NKAIN3: variants seen among roughly 807,000 people sequenced by gnomAD.
NKAIN3 encodes the protein sodium/potassium transporting ATPase interacting 3.
Under a neutral mutation model 30.2 loss-of-function variants are expected in NKAIN3, and 25 were observed. The observed-to-expected ratio is 0.83, with a 90% CI of 0.60 to 1.16. The LOEUF (loss-of-function observed/expected upper bound fraction) is 1.16. Ranked by LOEUF, NKAIN3 falls within the 50% of genes most tolerant of loss-of-function variation. NKAIN3 has a pLI of 0.00. For missense variants in NKAIN3, 225 were observed against 254.1 expected (o/e 0.89, Z 0.78); for synonymous variants, 91 against 89.6 (o/e 1.02, Z -0.09).
In NKAIN3 at chr8:62,530,901, T is replaced by A. The variant is rs183425084; in HGVS notation, c.55-48638T>A. On this transcript the variant is annotated intron_variant, in intron 1 of 6. Coordinates refer to ENST00000623646, the MANE Select transcript of NKAIN3 (RefSeq NM_001304533.3). ...CTCAGGTCATCTGCCCACCTCGGCC[T>A]CCCAACGTGCTGGAATTATGGGCGT... Among the ~76,000 whole-genome samples the A allele has an allele frequency of 4.6e-5, 7 of 152,252 alleles. No homozygotes were observed. In the East Asian group the frequency reaches 1.2e-3, roughly 25 times the overall value.
chr8:62,762,421 G>A (rs1307031959), intron 4 of NKAIN3, among the ~76,000 whole-genome samples: 4 of 152,142 alleles, frequency 2.6e-5, no homozygotes, highest in African/African-American at 9.7e-5. Flanking sequence ...AAATTCATAT[G>A]GGTAGAACTT....
chr8:62,666,869 G>A (rs180814567), intron 3 of NKAIN3, among the ~76,000 whole-genome samples: 1 of 152,094 alleles, frequency 6.6e-6, no homozygotes, highest in Non-Finnish European at 1.5e-5. Context: ...TGCTAGATTT[G>A]ATTGAATGTC....
At chr8:62,492,159 G>A (rs1486109098) in intron 1 of NKAIN3, among the ~76,000 whole-genome samples, 3 of 152,086 alleles carry the variant, frequency 2.0e-5, no homozygotes, top group African/African-American at 7.2e-5. Flanking sequence ...AGTTAAGAAG[G>A]AAAGAATGAA....
At chr8:62,446,686 G>A (rs138087802) in intron 1 of NKAIN3, among the ~76,000 whole-genome samples, 26 of 152,126 alleles carry the variant, frequency 1.7e-4, no homozygotes, top group African/African-American at 4.8e-4. Context: ...ATTTGACTAC[G>A]TCAGGTACCT....
At chr8:62,309,612 C>T (rs1814362098) in intron 1 of NKAIN3, among the ~76,000 whole-genome samples, 1 of 150,140 alleles carries the variant, frequency 6.7e-6, no homozygotes. Flanking sequence ...AAATCCTTGG[C>T]TTTGTTACCT....
At chr8:62,807,102 T>G (rs904564107) in intron 4 of NKAIN3, among the ~76,000 whole-genome samples, 2 of 152,226 alleles carry the variant, frequency 1.3e-5, no homozygotes, top group African/African-American at 4.8e-5. Context: ...TAGATTTTCT[T>G]TTTGTTAATT....
chr8:62,949,057 G>C (rs1303602394), intron 5 of NKAIN3, among the ~76,000 whole-genome samples: 1 of 152,224 alleles, frequency 6.6e-6, no homozygotes, highest in Non-Finnish European at 1.5e-5. Context: ...TCTCAGAGCT[G>C]AGGGTGACTC....
chr8:62,260,298 C>G (rs887844832), intron 1 of NKAIN3, among the ~76,000 whole-genome samples: 13 of 151,916 alleles, frequency 8.6e-5, no homozygotes, highest in Non-Finnish European at 1.6e-4. Flanking sequence ...CAGGAATGCT[C>G]TACACTCAAG....
chr8:62,345,566 T>C (rs868768503), intron 1 of NKAIN3, among the ~76,000 whole-genome samples: 8 of 145,644 alleles, frequency 5.5e-5, no homozygotes, highest in South Asian at 4.2e-4. Context: ...TATATACACA[T>C]ATATACACAT....
chr8:62,404,070 T>A (rs1252543621), intron 1 of NKAIN3, among the ~76,000 whole-genome samples: 1 of 152,214 alleles, frequency 6.6e-6, no homozygotes, highest in African/African-American at 2.4e-5. Context: ...GACTGTACTG[T>A]TTTGGACTCA....
At chr8:62,413,176 C>T (rs533287050) in intron 1 of NKAIN3, among the ~76,000 whole-genome samples, 1 of 152,198 alleles carries the variant, frequency 6.6e-6, no homozygotes, top group South Asian at 2.1e-4. Context: ...TAAAAGGGAG[C>T]ACTTATACAC....
At chr8:62,938,883 T>A (rs914016738) in intron 5 of NKAIN3, among the ~76,000 whole-genome samples, 1 of 152,168 alleles carries the variant, frequency 6.6e-6, no homozygotes, top group Non-Finnish European at 1.5e-5. Flanking sequence ...TCACCAGCAA[T>A]GGACCGAAAC....
chr8:62,279,100 G>A (rs925154396), intron 1 of NKAIN3, among the ~76,000 whole-genome samples: 1 of 152,208 alleles, frequency 6.6e-6, no homozygotes, highest in African/African-American at 2.4e-5. Context: ...TCTCATAGTG[G>A]TTTTGATTTG....
chr8:62,422,484 T>A (rs192908667), intron 1 of NKAIN3, among the ~76,000 whole-genome samples: 18 of 152,276 alleles, frequency 1.2e-4, no homozygotes, highest in African/African-American at 4.3e-4. Flanking sequence ...GATTAACATA[T>A]CAGTGAAGTC....
At chr8:62,277,147 A>T (rs1812989251) in intron 1 of NKAIN3, among the ~76,000 whole-genome samples, 1 of 152,208 alleles carries the variant, frequency 6.6e-6, no homozygotes, top group African/African-American at 2.4e-5. Flanking sequence ...TACTATTGAA[A>T]TTAATAAAAA....
chr8:62,504,904 A>T (rs79478312), intron 1 of NKAIN3, among the ~76,000 whole-genome samples: 5,563 of 152,208 alleles, frequency 0.037, 381 homozygotes, highest in African/African-American at 0.13. Context: ...ACTTTCTTTC[A>T]GTTTTGAATG....
chr8:62,311,062 C>T (rs761563941), intron 1 of NKAIN3, among the ~76,000 whole-genome samples: 1 of 150,372 alleles, frequency 6.7e-6, no homozygotes, highest in Non-Finnish European at 1.5e-5. Flanking sequence ...TACCTGAAAT[C>T]TCATTCCTGG....
In NKAIN3 at chr8:62,405,334, C is replaced by A. The variant is rs1804028489; in HGVS notation, c.54+156207C>A. On this transcript the variant is annotated intron_variant, in intron 1 of 6. Coordinates refer to ENST00000623646, the MANE Select transcript of NKAIN3 (RefSeq NM_001304533.3). ...GCCCAGCACAGTACCAAGACTTGAC[C>A]AGGAATTGCAGCCTTTGTGGCTTAA... Among the ~76,000 whole-genome samples the A allele has an allele frequency of 2.0e-5, 3 of 152,200 alleles. No homozygotes were observed. The South Asian group carries it at 6.2e-4, about 32-fold the overall frequency.
chr8:62,480,224 G>A (rs2129600713), intron 1 of NKAIN3, among the ~76,000 whole-genome samples: 1 of 152,122 alleles, frequency 6.6e-6, no homozygotes, highest in Non-Finnish European at 1.5e-5. Flanking sequence ...ACTTCTTTTA[G>A]CTGCCACATA....
Sources: gnomAD v4.1 joint callset for allele counts (sites outside exome capture counted in the v4.1 genomes callset) on GRCh38, gnomAD v4.1.1 for gene constraint, MANE v1.5 for transcripts, NCBI Gene and HGNC (gene_info 2026-07-23, HGNC 2026-07-21) for gene names.